Variants in MINK1 observed in about 807,000 individuals in gnomAD.
MINK1 encodes misshapen like kinase 1.
In MINK1, 46 loss-of-function variants were observed where a neutral mutation model predicts 178.4. That is an observed-to-expected ratio of 0.26 (90% confidence interval 0.20 to 0.33). The LOEUF (loss-of-function observed/expected upper bound fraction) is 0.33. MINK1 is among the 10% of genes least tolerant of loss of function. The pLI is 1.00. For synonymous variants in MINK1, 797 were observed against 709.7 expected (o/e 1.12, Z -1.96); for missense variants, 1,366 against 1,814.9 (o/e 0.75, Z 4.49).
Position 4,894,512 on chromosome 17 carries a change from C to T in MINK1, c.2809-13C>T, listed in dbSNP as rs1258894222. The T allele has an allele frequency of 1.3e-6, 2 of 1,581,406 alleles. No homozygotes were observed. Among genetic ancestry groups the T allele is most frequent in the Non-Finnish European group, 1.7e-6 (2 of 1,162,274 alleles). ...TTGCACTTGTTTGCCTGACTGCTGT[C>T]CCCCTACCACAGTACCAGTCTCGTG... is the stretch of plus-strand genomic sequence containing the variant. On this transcript the variant is annotated splice_polypyrimidine_tract_variant and intron_variant, in intron 23 of 31. Coordinates refer to ENST00000355280, the MANE Select transcript of MINK1 (RefSeq NM_153827.5). This position sits in a 1 kb window ranked among gnomAD's most constrained non-coding sequence, Gnocchi z 4.1.
In MINK1 at chr17:4,833,878, G is replaced by A. The variant is rs895842391; in HGVS notation, c.57+238G>A. Among the ~76,000 whole-genome samples, 10 of 152,058 alleles carry A rather than the reference G, an allele frequency of 6.6e-5. No homozygotes were observed. The highest frequency in any genetic ancestry group is 2.4e-4 in the African/African-American group (10 of 41,382). On this transcript the variant is annotated intron_variant, in intron 1 of 31. Transcript: ENST00000355280. The surrounding 1 kb of genome is among the most constrained non-coding windows in gnomAD (Gnocchi z 4.8). ...TTCGGTCCCCACCCTGTGGTGCCCC[G>A]CCCCCACACTTCCGTGCCACCCTAC...
At chr17:4,846,671 C>G (rs1227466261) in intron 1 of MINK1, among the ~76,000 whole-genome samples, 3 of 152,156 alleles carry the variant, frequency 2.0e-5, no homozygotes, top group Non-Finnish European at 4.4e-5. Context: ...TATGGGCCAT[C>G]TTATTATGAC....
At chr17:4,865,427 C>CT in intron 1 of MINK1, among the ~76,000 whole-genome samples, 1 of 151,822 alleles carries the variant, frequency 6.6e-6, no homozygotes, top group South Asian at 2.1e-4. Context: ...GGGTGAGACA[C>CT]TGTCTCAAAA....
intron 1 of MINK1, among the ~76,000 whole-genome samples, chr17:4,838,531 A>G (rs960717134): frequency 2.0e-5 from 3 of 152,176 alleles, no homozygotes; most frequent in African/African-American, 7.2e-5. Flanking sequence ...AGGGTAGCAC[A>G]CACAACTTGC....
intron 4 of MINK1, among the ~76,000 whole-genome samples, chr17:4,881,542 G>C (rs1023843912): frequency 6.6e-6 from 1 of 152,160 alleles, no homozygotes; most frequent in Non-Finnish European, 1.5e-5. Context: ...CTGTGCGATC[G>C]GCTCTTAATA....
chr17:4,834,757 G>A (rs1285384010), intron 1 of MINK1: 2 of 520,034 alleles, frequency 3.8e-6, no homozygotes, highest in South Asian at 1.4e-5. Context: ...GGTGTGGGGA[G>A]AGCAGGACTT....
intron 1 of MINK1, among the ~76,000 whole-genome samples, chr17:4,849,477 G>T (rs993036468): frequency 6.6e-6 from 1 of 152,190 alleles, no homozygotes; most frequent in African/African-American, 2.4e-5. Flanking sequence ...ACTCTGCCTT[G>T]CCTGGAGATT....
At chr17:4,843,022 T>G (rs561661066) in intron 1 of MINK1, among the ~76,000 whole-genome samples, 178 of 152,228 alleles carry the variant, frequency 1.2e-3, no homozygotes, top group Non-Finnish European at 1.5e-3. Flanking sequence ...CCAGTCCCAG[T>G]CAAGAGAGCA....
intron 1 of MINK1, among the ~76,000 whole-genome samples, chr17:4,850,135 CCATGAAGGAAGAAGGGACCA>C (rs1911706927): frequency 6.6e-6 from 1 of 152,222 alleles, no homozygotes; most frequent in Non-Finnish European, 1.5e-5. Context: ...ACTGTAAGCT[CCATGAAGGAAGAAGGGACCA>C]TTTCTGTTTT....
chr17:4,897,684 T>G lies in MINK1; in HGVS notation c.*397T>G. On this transcript the variant is annotated 3_prime_UTR_variant, in exon 32 of 32. Transcript: ENST00000355280. The stretch of plus-strand genomic sequence containing the variant: ...ACGTCAGGGGAGCCGGCTCCCCCCT[T>G]GAATGTACCAGACCCTGGGGGGGGT... 1 of 161,264 alleles carries G rather than the reference T, an allele frequency of 6.2e-6. No individual in the cohort carries two copies. Among genetic ancestry groups the G allele is most frequent in the Non-Finnish European group, 1.4e-5 (1 of 73,950 alleles). The allele number at this position is 161,264 out of a possible 1,614,324, so 10.0% of individuals were successfully genotyped here. A position where few individuals can be genotyped will look rare whatever the true frequency, so the allele number is the denominator to read the frequency against.
At chr17:4,876,294 G>A (rs953838048) in intron 1 of MINK1, among the ~76,000 whole-genome samples, 6 of 152,156 alleles carry the variant, frequency 3.9e-5, no homozygotes, top group African/African-American at 1.4e-4. Flanking sequence ...GACATTACCT[G>A]GTGAGCAAGG....
chr17:4,839,387 C>G (rs902753512), intron 1 of MINK1, among the ~76,000 whole-genome samples: 1 of 152,140 alleles, frequency 6.6e-6, no homozygotes, highest in African/African-American at 2.4e-5. Context: ...GTCTTCAGCC[C>G]CACTCCCTTC....
chr17:4,893,097 C>T, intron 20 of MINK1, 30 bp downstream of exon 20: 3 of 1,552,076 alleles, frequency 1.9e-6, no homozygotes, highest in Non-Finnish European at 2.6e-6. Context: ...GCATGGCCTG[C>T]CTCATCCTGG....
intron 1 of MINK1, among the ~76,000 whole-genome samples, chr17:4,862,248 G>A (rs1367497784): frequency 6.6e-6 from 1 of 152,204 alleles, no homozygotes; most frequent in Non-Finnish European, 1.5e-5. Context: ...CTCTGCCACT[G>A]AAATAGCTGT....
intron 20 of MINK1, 22 bp downstream of exon 20, chr17:4,893,089 A>G (rs1244044257): frequency 1.3e-6 from 2 of 1,548,244 alleles, no homozygotes; most frequent in Admixed American, 2.0e-5. Flanking sequence ...GGTGGCAGGC[A>G]TGGCCTGCCT....
At position 4,889,778 on chromosome 17, in the gene MINK1, C is replaced by T; in HGVS notation, c.1347+15C>T. The T allele has an allele frequency of 1.3e-6, 2 of 1,512,996 alleles. No homozygotes were observed. Among genetic ancestry groups the T allele is most frequent in the Non-Finnish European group, 1.8e-6 (2 of 1,131,738 alleles). 93.7% of individuals were successfully genotyped at this position (1,512,996 alleles called of 1,614,324 possible). On this transcript the variant is annotated intron_variant, in intron 13 of 31. Transcript: ENST00000355280. The stretch of plus-strand genomic sequence containing the variant: ...AGCGCGAGCAGGTAGAGCGCCGCAC[C>T]CGCATCCCTGCCCTCCCGCCCTCCC...
At chr17:4,850,427 G>A (rs1341037473) in intron 1 of MINK1, among the ~76,000 whole-genome samples, 2 of 151,944 alleles carry the variant, frequency 1.3e-5, no homozygotes, top group Non-Finnish European at 2.9e-5. Context: ...GTCCTTGGTG[G>A]GGCCAGAGAA....
Position 4,896,303 on chromosome 17 carries a change from C to T in MINK1, c.3576C>T (p.Val1192=), listed in dbSNP as rs555014015. ...GTGCTGGCTTCCATGCTGTGGATGT[C>T]GACTCGGGGAACAGCTATGACATCT... ...GSSAGFHAVD[V]DSGNSYDIYI... is the part of the protein sequence containing the mutation. The change falls in exon 29 of 32, where the codon GTC becomes GTT. Residue 1192 remains valine, a synonymous_variant. Coordinates refer to ENST00000355280, the MANE Select transcript of MINK1 (RefSeq NM_153827.5). The surrounding 1 kb of genome is among the most constrained non-coding windows in gnomAD (Gnocchi z 4.6). 5.3e-5 allele frequency: 85 copies of T among 1,601,360 alleles called. No homozygotes were observed. Among genetic ancestry groups the T allele is most frequent in the Middle Eastern group, 3.3e-4 (2 of 5,976 alleles).
chr17:4,838,479 C>T (rs538177693), intron 1 of MINK1, among the ~76,000 whole-genome samples: 5 of 152,298 alleles, frequency 3.3e-5, no homozygotes, highest in African/African-American at 1.2e-4. Context: ...GACTTCACAT[C>T]TGGCCTCCAT....
Sources: gnomAD v4.1 joint callset for allele counts (sites outside exome capture counted in the v4.1 genomes callset) on GRCh38, gnomAD v4.1.1 for gene constraint, Gnocchi (gnomAD v3.1) non-coding constraint, MANE v1.5 for transcripts, NCBI Gene and HGNC (gene_info 2026-07-23, HGNC 2026-07-21) for gene names.